The following NFASC variants were observed in gnomAD, a reference collection of about 807,000 sequenced individuals.
The protein encoded by NFASC is neurofascin homolog.
A neutral mutation model predicts 147.5 loss-of-function variants in NFASC; 43 were observed. The ratio of observed to expected loss-of-function variants is 0.29; its 90% CI spans 0.23 to 0.38. The LOEUF is 0.38. NFASC is among the 10% of genes least tolerant of loss of function. The pLI is 1.00. For synonymous variants in NFASC, 622 were observed against 665.5 expected (o/e 0.93, Z 1.01); for missense variants, 1,320 against 1,689.0 (o/e 0.78, Z 3.83).
chr1:204,977,721 C>G lies in NFASC; in HGVS notation c.1872C>G (p.Pro624=), dbSNP rs764974141. 1.1e-5 allele frequency: 18 copies of G among 1,609,100 alleles called. No homozygotes were observed. In the African/African-American group the frequency reaches 2.4e-4, roughly 21 times the overall value. The change falls in exon 17 of 30, where the codon CCC becomes CCG. Residue 624 remains proline (P), a synonymous_variant. Coordinates refer to ENST00000339876, the MANE Select transcript of NFASC (RefSeq NM_001005388.3). ...CAACTAACCGTTTGGCTGCCCTGCC[C>G]AAAGGTAATTCCCACTAATCACAGT... ...ATPTNRLAAL[P]KGRPDRPRDL... is the part of the protein sequence containing the mutation.
chr1:204,967,659 G>A (rs911128835), intron 8 of NFASC, among the ~76,000 whole-genome samples: 29 of 151,286 alleles, frequency 1.9e-4, no homozygotes, highest in African/African-American at 3.2e-4. Context: ...TCTTGGCCCC[G>A]GAGTGATTTC....
chr1:205,018,104 A>G lies in NFASC; in HGVS notation c.*1565A>G, dbSNP rs1026149735. 1 of 152,732 alleles carries G rather than the reference A, an allele frequency of 6.5e-6. No homozygotes were observed. The highest frequency in any genetic ancestry group is 1.5e-5 in the Non-Finnish European group (1 of 68,106). 9.5% of individuals were successfully genotyped at this position (152,732 alleles called of 1,614,324 possible). On this transcript the variant is annotated 3_prime_UTR_variant, in exon 30 of 30. Coordinates refer to ENST00000339876, the MANE Select transcript of NFASC (RefSeq NM_001005388.3). The stretch of plus-strand genomic sequence containing the variant: ...GTGCTGCCTTCATCCTCCCCACCTA[A>G]TGCATTTTTGAAACCAAAGGTACCT...
chr1:204,968,664 G>T lies in NFASC; in HGVS notation c.819-134G>T, dbSNP rs1024821015. The T allele has an allele frequency of 5.2e-5, 40 of 768,478 alleles. No homozygotes were observed. The African/African-American group carries it at 6.0e-4, about 11-fold the overall frequency. The allele number at this position is 768,478 out of a possible 1,614,324, so 47.6% of individuals were successfully genotyped here. On this transcript the variant is annotated intron_variant, in intron 9 of 29. Transcript: ENST00000339876. The surrounding 1 kb of genome is among the most constrained non-coding windows in gnomAD (Gnocchi z 5.4). ...TGAGCATCCTCCTCTGCACAGGAAA[G>T]ATCAGCTTTTAGAGGACATGCATCC...
chr1:204,844,874 C>T (rs1340642449), intron 1 of NFASC, among the ~76,000 whole-genome samples: 12 of 152,052 alleles, frequency 7.9e-5, no homozygotes. Flanking sequence ...CTTTGTTGTG[C>T]TTATCTGGGA....
chr1:204,856,019 A>G (rs1250542477), intron 1 of NFASC, among the ~76,000 whole-genome samples: 1 of 152,178 alleles, frequency 6.6e-6, no homozygotes, highest in Non-Finnish European at 1.5e-5. Flanking sequence ...ACACAAGAGG[A>G]AGCTGAAGCT....
At position 204,954,369 on chromosome 1, in the gene NFASC, C is replaced by T. The variant is rs145437187; in HGVS notation, c.397C>T (p.Arg133Cys). 30 of 1,613,918 alleles carry T rather than the reference C, an allele frequency of 1.9e-5. No individual in the cohort carries two copies. In the Admixed American group the frequency reaches 3.2e-4, roughly 17 times the overall value. Residue 133 changes from arginine (R) to cysteine (C), a missense_variant, in exon 6 of 30, where the codon CGC (arginine) becomes TGC (cysteine). By Grantham distance (180) the Arg-to-Cys change is radical. Transcript: ENST00000339876. The surrounding 1 kb of genome is among the most constrained non-coding windows in gnomAD (Gnocchi z 5.7). ...TGGCACGGCCCTGTCCAATAGGATC[C>T]GCCTGCAGGTGTCTAGTGAGTAGCG... ...KFGTALSNRI[R>C]LQVSKSPLWP... is the part of the protein sequence containing the mutation.
chr1:204,846,485 G>A (rs1677071853), intron 1 of NFASC, among the ~76,000 whole-genome samples: 1 of 152,134 alleles, frequency 6.6e-6, no homozygotes, highest in Admixed American at 6.5e-5. Flanking sequence ...GCCATGCCAT[G>A]GTAGCCATCT....
intron 3 of NFASC, among the ~76,000 whole-genome samples, chr1:204,947,336 T>C (rs1018517556): frequency 6.6e-6 from 1 of 152,172 alleles, no homozygotes; most frequent in Admixed American, 6.5e-5. Flanking sequence ...CTCCCATGTG[T>C]GCTGAGCTGA....
intron 2 of NFASC, among the ~76,000 whole-genome samples, chr1:204,927,081 A>G (rs528187647): frequency 3.9e-5 from 6 of 152,210 alleles, no homozygotes; most frequent in Non-Finnish European, 7.4e-5. Flanking sequence ...TCTCAAAAAT[A>G]GATAGATGAT....
intron 1 of NFASC, among the ~76,000 whole-genome samples, chr1:204,910,756 G>A (rs114897284): frequency 3.9e-5 from 6 of 152,010 alleles, no homozygotes; most frequent in Non-Finnish European, 7.4e-5. Flanking sequence ...TCCTACCTCC[G>A]GCCTCCCAAA....
At chr1:204,902,362 A>G (rs2084818216) in intron 1 of NFASC, among the ~76,000 whole-genome samples, 1 of 152,228 alleles carries the variant, frequency 6.6e-6, no homozygotes, top group Admixed American at 6.5e-5. Context: ...CATATCAACT[A>G]ATACGTTGGC....
rs527485947 is a variant in NFASC, at chr1:205,015,285, G to GAGACCCAGACTCCCACTGCTC, written c.3492-1000_3492-980dup. ...CTGGCACCGCTATGGTCCCACCACT[G>GAGACCCAGACTCCCACTGCTC]AGACCCAGACTCCCACTGCTCAGAC... is the stretch of plus-strand genomic sequence containing the variant. On this transcript the variant is annotated intron_variant, in intron 29 of 29. Transcript: ENST00000339876. The surrounding 1 kb of genome is among the most constrained non-coding windows in gnomAD (Gnocchi z 4.0). Among the ~76,000 whole-genome samples, 1 of 152,118 alleles carries GAGACCCAGACTCCCACTGCTC rather than the reference G, an allele frequency of 6.6e-6. No individual in the cohort carries two copies. The highest frequency in any genetic ancestry group is 1.5e-5 in the Non-Finnish European group (1 of 68,020).
At chr1:204,876,846 A>C (rs1262022638) in intron 1 of NFASC, among the ~76,000 whole-genome samples, 1 of 151,504 alleles carries the variant, frequency 6.6e-6, no homozygotes, top group Non-Finnish European at 1.5e-5. Flanking sequence ...CGTGGGACTC[A>C]TAAATGTGGA....
At chr1:204,844,404 A>G (rs1174197114) in intron 1 of NFASC, among the ~76,000 whole-genome samples, 1 of 152,190 alleles carries the variant, frequency 6.6e-6, no homozygotes, top group Non-Finnish European at 1.5e-5. Context: ...AGTACACCTG[A>G]TGGCTTTGGT....
chr1:204,915,717 T>A (rs982933904), intron 1 of NFASC, among the ~76,000 whole-genome samples: 3 of 152,286 alleles, frequency 2.0e-5, no homozygotes, highest in Admixed American at 1.3e-4. Context: ...GTCTAAATAT[T>A]CAAGGGGTAG....
intron 1 of NFASC, among the ~76,000 whole-genome samples, chr1:204,853,558 C>G (rs2075882541): frequency 6.6e-6 from 1 of 152,184 alleles, no homozygotes; most frequent in Non-Finnish European, 1.5e-5. Context: ...GGGTTTATAA[C>G]CTGGAGCCAG....
chr1:204,912,351 G>A (rs1023398258), intron 1 of NFASC, among the ~76,000 whole-genome samples: 11 of 151,926 alleles, frequency 7.2e-5, no homozygotes, highest in South Asian at 2.1e-4. Flanking sequence ...TCAGTTCAAT[G>A]TACTTTTTCA....
At chr1:204,864,412 T>C (rs1328199488) in intron 1 of NFASC, among the ~76,000 whole-genome samples, 3 of 152,222 alleles carry the variant, frequency 2.0e-5, no homozygotes, top group Non-Finnish European at 4.4e-5. Flanking sequence ...ATATTAACTC[T>C]TATGTTTAAC....
At chr1:204,913,080 A>G (rs1365512864) in intron 1 of NFASC, among the ~76,000 whole-genome samples, 1 of 152,198 alleles carries the variant, frequency 6.6e-6, no homozygotes, top group African/African-American at 2.4e-5. Flanking sequence ...ATGTGGTGGG[A>G]TTCAAAATTA....
Sources: gnomAD v4.1 joint callset for allele counts (sites outside exome capture counted in the v4.1 genomes callset) on GRCh38, gnomAD v4.1.1 for gene constraint, Gnocchi (gnomAD v3.1) non-coding constraint, MANE v1.5 for transcripts, NCBI Gene and HGNC (gene_info 2026-07-23, HGNC 2026-07-21) for gene names.